Variants in S1PR5 observed in about 807,000 individuals in gnomAD.
S1PR5 encodes sphingosine-1-phosphate receptor 5.
For synonymous variants in S1PR5, 307 were observed against 284.7 expected (o/e 1.08, Z -0.79); for missense variants, 583 against 571.7 (o/e 1.02, Z -0.20).
At position 10,514,564 on chromosome 19, in the gene S1PR5, G is replaced by T; in HGVS notation, c.448C>A (p.Arg150Ser). The T allele has an allele frequency of 6.3e-7, 1 of 1,577,154 alleles. No homozygotes were observed. Among genetic ancestry groups the T allele is most frequent in the Non-Finnish European group, 8.6e-7 (1 of 1,163,000 alleles). Residue 150 changes from arginine to serine, a missense_variant, in exon 2 of 2, where the codon CGC becomes AGC. By Grantham distance (110) the Arg-to-Ser change is moderately radical. Coordinates refer to ENST00000333430, the MANE Select transcript of S1PR5 (RefSeq NM_030760.5). ...GCCGCGGCTGCCATCGCCAGCGTGC[G>T]CCCCCGACTGGAGACGGGCGCGGGC... ...RGPAPVSSRG[R>S]TLAMAAAAWG...
At chr19:10,516,618 A>C (rs913480837) in intron 1 of S1PR5, among the ~76,000 whole-genome samples, 16 of 151,546 alleles carry the variant, frequency 1.1e-4, no homozygotes, top group Non-Finnish European at 2.1e-4. Flanking sequence ...AAAAAAAAAA[A>C]AAAAAAAAAA....
In S1PR5 at chr19:10,513,849, G is replaced by T. The variant is rs147207579; in HGVS notation, c.1163C>A (p.Ala388Asp). The T allele has an allele frequency of 5.3e-5, 86 of 1,612,544 alleles. No homozygotes were observed. The African/African-American group carries it at 1.1e-3, about 20-fold the overall frequency. ...AGCCGGTTCTGATACCAGAGTCCGG[G>T]CGGCTGTGGGTGCACCGGGGCTGCC... ...STGSPGAPTA[A>D]RTLVSEPAAD is the part of the protein sequence containing the mutation. Residue 388 changes from alanine (A) to aspartate (D), a missense_variant, in exon 2 of 2, where the codon GCC becomes GAC. Ala to Asp is a moderately radical substitution (Grantham distance 126). Transcript: ENST00000333430.
chr19:10,515,264 A>AATGGCTGGGCGCGGTGGTTCACAC lies in S1PR5; in HGVS notation c.-18-259_-18-236dup, dbSNP rs756661868. Among the ~76,000 whole-genome samples, 20 of 152,154 alleles carry AATGGCTGGGCGCGGTGGTTCACAC rather than the reference A, an allele frequency of 1.3e-4. No individual in the cohort carries two copies. The East Asian group carries it at 2.7e-3, about 21-fold the overall frequency. Reference sequence around the variant, plus strand: ...AAAAAAGGGACATTAATAACACATGAATGGCTGGGCGCGGTGGTTCACACA... The same window carrying AATGGCTGGGCGCGGTGGTTCACAC: ...AAAAAAGGGACATTAATAACACATGAATGGCTGGGCGCGGTGGTTCACACATGGCTGGGCGCGGTGGTTCACACA... On this transcript the variant is annotated intron_variant, in intron 1 of 1. Transcript: ENST00000333430.
chr19:10,514,450 G>A lies in S1PR5; in HGVS notation c.562C>T (p.Leu188Phe). The A allele has an allele frequency of 6.2e-7, 1 of 1,609,674 alleles. No homozygotes were observed. Among genetic ancestry groups the A allele is most frequent in the South Asian group, 1.1e-5 (1 of 90,346 alleles). Residue 188 changes from leucine (L) to phenylalanine (F), a missense_variant, in exon 2 of 2, where the codon CTC (leucine) becomes TTC (phenylalanine). Transcript: ENST00000333430. ...AAGAGCACGTAGGCCTTGGCGTAGA[G>A]CGGCAAGACAGTGGAGCAAGCGTCC... is the stretch of plus-strand genomic sequence containing the variant. ...RLDACSTVLP[L>F]YAKAYVLFCV...
rs1244633277 is a variant in S1PR5 at position 10,513,711 on chromosome 19, C to T, written c.*104G>A. 1.4e-6 allele frequency: 2 copies of T among 1,476,976 alleles called. No individual in the cohort carries two copies. The highest frequency in any genetic ancestry group is 1.8e-6 in the Non-Finnish European group (2 of 1,092,692). The allele number at this position is 1,476,976 out of a possible 1,614,324, so 91.5% of individuals were successfully genotyped here. ...GTGTCGCTGCATAAATACATTTCCC[C>T]TGCATCTTTTCCGACTGCACCTTTG... On this transcript the variant is annotated 3_prime_UTR_variant, in exon 2 of 2. Transcript: ENST00000333430.
chr19:10,513,773 C>T lies in S1PR5; in HGVS notation c.*42G>A. Reference sequence around the variant, plus strand: ...TACAAATTCCTTTATGTAAAAAGAACAAGTCTGTAAAACTTGGGAAGACAG... The same window carrying T: ...TACAAATTCCTTTATGTAAAAAGAATAAGTCTGTAAAACTTGGGAAGACAG... On this transcript the variant is annotated 3_prime_UTR_variant, in exon 2 of 2. Transcript: ENST00000333430. 1 of 1,594,126 alleles carries T rather than the reference C, an allele frequency of 6.3e-7. No homozygotes were observed. Among genetic ancestry groups the T allele is most frequent in the Non-Finnish European group, 8.5e-7 (1 of 1,172,916 alleles).
At position 10,514,685 on chromosome 19, in the gene S1PR5, G is replaced by A. The variant is rs1915385219; in HGVS notation, c.327C>T (p.Phe109=). The A allele has an allele frequency of 1.2e-6, 2 of 1,608,932 alleles. No homozygotes were observed. Among genetic ancestry groups the A allele is most frequent in the African/African-American group, 1.3e-5 (1 of 74,896 alleles). ...CCACGAAGACGCCTCCCTCCCGTGC[G>A]AACCAGAGCGCGGGGGACAGTTTCA... ...LTLKLSPALW[F]AREGGVFVAL... is the part of the protein sequence containing the mutation. Residue 109 remains phenylalanine, a synonymous_variant, in exon 2 of 2, where the codon TTC becomes TTT. Transcript: ENST00000333430.
Position 10,516,607 on chromosome 19 carries a change from CAAAAAAA to C in S1PR5, c.-19+784_-19+790del, listed in dbSNP as rs113615794. ...GGGTGACAAGAGAGAAACTCCGTCT[CAAAAAAA>C]AAAAAAAAAAAAAAAGTTGATCCTA... On this transcript the variant is annotated intron_variant, in intron 1 of 1. Coordinates refer to ENST00000333430, the MANE Select transcript of S1PR5 (RefSeq NM_030760.5). Among the ~76,000 whole-genome samples, 4 of 91,806 alleles carry C rather than the reference CAAAAAAA, an allele frequency of 4.4e-5. No individual in the cohort carries two copies. In the South Asian group the frequency reaches 1.2e-3, roughly 26 times the overall value. The allele number at this position is 91,806 out of a possible 152,430, so 60.2% of individuals were successfully genotyped here. A position where few individuals can be genotyped will look rare whatever the true frequency, so the allele number is the denominator to read the frequency against.
At chr19:10,517,774 C>G (rs993585498), upstream of S1PR5, 56 of 872,864 alleles carry the variant, frequency 6.4e-5, no homozygotes, top group Non-Finnish European at 7.6e-5. Flanking sequence ...GCGGAGGGGT[C>G]TCCTCTGTCC....
intron 1 of S1PR5, among the ~76,000 whole-genome samples, chr19:10,515,571 T>C (rs566194731): frequency 3.2e-4 from 48 of 151,924 alleles, no homozygotes; most frequent in African/African-American, 8.7e-4. Context: ...CGAGATCGCA[T>C]CACTGCACTC....
Position 10,514,106 on chromosome 19 carries a change from G to A in S1PR5, c.906C>T (p.Asn302=). Residue 302 remains asparagine, a synonymous_variant, in exon 2 of 2, where the codon AAC becomes AAT. Transcript: ENST00000333430. ...LGLAMANSLL[N]PIIYTLTNRD... ...GGTTGGTGAGCGTGTAGATGATGGG[G>A]TTCAGAAGTGAGTTGGCCATGGCCA... The A allele has an allele frequency of 6.2e-7, 1 of 1,612,946 alleles. No individual in the cohort carries two copies. Among genetic ancestry groups the A allele is most frequent in the Non-Finnish European group, 8.5e-7 (1 of 1,179,836 alleles).
chr19:10,513,929 G>A lies in S1PR5; in HGVS notation c.1083C>T (p.Ser361=). ...GCTGGGGCGATGAGCGCTCCGAGCCGCTGAAGCTCCCATCAAGGCCCGGGG... is the reference window on the plus strand; with the variant it reads ...GCTGGGGCGATGAGCGCTCCGAGCCACTGAAGCTCCCATCAAGGCCCGGGG... ...CLPPGLDGSF[S]GSERSSPQRD... Residue 361 remains serine (S), a synonymous_variant, in exon 2 of 2, where the codon AGC becomes AGT. Transcript: ENST00000333430. 1.9e-6 allele frequency: 3 copies of A among 1,604,658 alleles called. No homozygotes were observed. Among genetic ancestry groups the A allele is most frequent in the South Asian group, 1.1e-5 (1 of 90,526 alleles).
In S1PR5 at chr19:10,514,080, C is replaced by T. The variant is rs139761291; in HGVS notation, c.932G>A (p.Arg311His). 5.0e-5 allele frequency: 80 copies of T among 1,612,372 alleles called. No homozygotes were observed. In the African/African-American group the frequency reaches 1.0e-3, roughly 20 times the overall value. Residue 311 changes from arginine to histidine, a missense_variant, in exon 2 of 2, where the codon CGC becomes CAC. By Grantham distance (29) the Arg-to-His change is conservative. Transcript: ENST00000333430. Reference sequence around the variant, plus strand: ...GCGCAGGAGCGCGTGGCGCAGGTCGCGGTTGGTGAGCGTGTAGATGATGGG... The same window carrying T: ...GCGCAGGAGCGCGTGGCGCAGGTCGTGGTTGGTGAGCGTGTAGATGATGGG... The part of the protein sequence containing the change: ...LNPIIYTLTN[R>H]DLRHALLRLV...
rs142389827 is a variant in S1PR5, at chr19:10,516,004, C to T, written c.-18-975G>A. Among the ~76,000 whole-genome samples, 270 of 152,108 alleles carry T rather than the reference C, an allele frequency of 1.8e-3. 1 individual carries two copies. The highest frequency in any genetic ancestry group is 6.2e-3 in the African/African-American group (258 of 41,476). On this transcript the variant is annotated intron_variant, in intron 1 of 1. Coordinates refer to ENST00000333430, the MANE Select transcript of S1PR5 (RefSeq NM_030760.5). ...AGTAAACACACAGAACGCACACAAA[C>T]GCAACACACACAGAAAGAGACACAC...
chr19:10,517,768 A>AGACCCCTCCGCT, upstream of S1PR5: 1 of 910,802 alleles, frequency 1.1e-6, no homozygotes, highest in Non-Finnish European at 1.3e-6. Context: ...TCCCCAGCGG[A>AGACCCCTCCGCT]GGGGTCTCCT....
rs372680615 is a variant in S1PR5, at chr19:10,514,381, G to C, written c.631C>G (p.Leu211Val). The change falls in exon 2 of 2, where the codon CTC becomes GTC. Residue 211 changes from leucine (L) to valine (V), a missense_variant. Leu to Val is a conservative substitution (Grantham distance 32). Transcript: ENST00000333430. ...ACCTGGCAGTAGATGCGCGCGTAGAGTGCACAGATAGCGGCCAGGATGCCC... is the reference window on the plus strand; with the variant it reads ...ACCTGGCAGTAGATGCGCGCGTAGACTGCACAGATAGCGGCCAGGATGCCC... ...FVGILAAICALYARIYCQVRA... is the reference protein window; with the variant it reads ...FVGILAAICAVYARIYCQVRA... 7 of 1,599,374 alleles carry C rather than the reference G, an allele frequency of 4.4e-6. No homozygotes were observed. The highest frequency in any genetic ancestry group is 1.3e-5 in the African/African-American group (1 of 74,712).
Position 10,513,888 on chromosome 19 carries a change from G to C in S1PR5, c.1124C>G (p.Thr375Ser), listed in dbSNP as rs1018255152. ...RSSPQRDGLD[T>S]SGSTGSPGAP... Reference sequence around the variant, plus strand: ...ACCGGGGCTGCCTGTGGAGCCGCTGGTGTCCAGCCCGTCGCGCTGGGGCGA... The same window carrying C: ...ACCGGGGCTGCCTGTGGAGCCGCTGCTGTCCAGCCCGTCGCGCTGGGGCGA... The change falls in exon 2 of 2, where the codon ACC becomes AGC. Residue 375 changes from threonine (T) to serine (S), a missense_variant. Coordinates refer to ENST00000333430, the MANE Select transcript of S1PR5 (RefSeq NM_030760.5). 2 of 1,611,284 alleles carry C rather than the reference G, an allele frequency of 1.2e-6. No individual in the cohort carries two copies. The highest frequency in any genetic ancestry group is 1.3e-5 in the African/African-American group (1 of 74,952).
At chr19:10,516,745 T>A (rs528160455) in intron 1 of S1PR5, among the ~76,000 whole-genome samples, 21 of 151,646 alleles carry the variant, frequency 1.4e-4, no homozygotes, top group Non-Finnish European at 3.1e-4. Context: ...GTAATAACAC[T>A]CCTCACCTGC....
chr19:10,514,967 G>A lies in S1PR5; in HGVS notation c.45C>T (p.Ile15=). The change falls in exon 2 of 2, where the codon ATC becomes ATT. Residue 15 remains isoleucine, a synonymous_variant. Transcript: ENST00000333430. ...LLRPAPVSEV[I]VLHYNYTGKL... ...TGCCGGTGTAGTTGTAATGCAGGAC[G>A]ATGACCTCGCTCACCGGCGCCGGCC... 2 of 1,590,790 alleles carry A rather than the reference G, an allele frequency of 1.3e-6. No individual in the cohort carries two copies. The highest frequency in any genetic ancestry group is 8.5e-7 in the Non-Finnish European group (1 of 1,170,868).
Sources: gnomAD v4.1 joint callset for allele counts (sites outside exome capture counted in the v4.1 genomes callset) on GRCh38, gnomAD v4.1.1 for gene constraint, MANE v1.5 for transcripts, NCBI Gene and HGNC (gene_info 2026-07-23, HGNC 2026-07-21) for gene names.